The following STK32B variants were observed in gnomAD, a reference collection of about 807,000 sequenced individuals.
STK32B encodes serine/threonine-protein kinase 32B.
In STK32B, 43 loss-of-function variants were observed where a neutral mutation model predicts 52.6. That is an observed-to-expected ratio of 0.82 (90% CI 0.64 to 1.05). The LOEUF (loss-of-function observed/expected upper bound fraction) is 1.05. Ranked by LOEUF, STK32B falls within the 50% of genes least tolerant of loss-of-function variation. The pLI is 0.00. For synonymous variants in STK32B, 238 were observed against 204.3 expected (o/e 1.17, Z -1.41); for missense variants, 621 against 534.6 (o/e 1.16, Z -1.59).
chr4:5,298,452 A>T (rs1729349776), intron 3 of STK32B, among the ~76,000 whole-genome samples: 3 of 152,104 alleles, frequency 2.0e-5, no homozygotes, highest in South Asian at 4.1e-4. Flanking sequence ...CCCTGACTGG[A>T]GCTGCTACCT....
At chr4:5,482,387 G>T (rs1383181265) in intron 11 of STK32B, among the ~76,000 whole-genome samples, 1 of 152,092 alleles carries the variant, frequency 6.6e-6, no homozygotes, top group Non-Finnish European at 1.5e-5. Context: ...CTCTCTGTTT[G>T]TCTGTTATTG....
chr4:5,066,517 A>AT (rs1186912119), intron 1 of STK32B, among the ~76,000 whole-genome samples: 7 of 152,186 alleles, frequency 4.6e-5, no homozygotes, highest in Non-Finnish European at 1.0e-4. Flanking sequence ...GTCAAAGATT[A>AT]TAACCTGTAA....
Position 5,114,907 on chromosome 4 carries a change from G to T in STK32B, c.53-24998G>T, listed in dbSNP as rs544150420. 8.5e-5 allele frequency among the ~76,000 whole-genome samples: 13 copies of T among 152,188 alleles called. No individual in the cohort carries two copies. In the South Asian group the frequency reaches 2.7e-3, roughly 32 times the overall value. ...TGTTCCTCAGCACCCTGCACCCCAA[G>T]CCTCTTCCCACACCCTGACCCCATA... is the stretch of plus-strand genomic sequence containing the variant. On this transcript the variant is annotated intron_variant, in intron 1 of 11. Transcript: ENST00000282908.
chr4:5,443,887 GGGGGT>G (rs1268663978), intron 6 of STK32B, among the ~76,000 whole-genome samples: 5 of 152,188 alleles, frequency 3.3e-5, no homozygotes, highest in Non-Finnish European at 4.4e-5. Context: ...GCCCCTGCTG[GGGGGT>G]GCCTGCCAGT....
At chr4:5,031,952 A>T in the STK32B span, among the ~76,000 whole-genome samples, 1 of 152,216 alleles carries the variant, frequency 6.6e-6, no homozygotes, top group Non-Finnish European at 1.5e-5. Context: ...CAACTGGGAA[A>T]CAGATACCAC....
At chr4:5,297,439 T>C (rs1847278) in intron 3 of STK32B, among the ~76,000 whole-genome samples, 20,715 of 151,964 alleles carry the variant, frequency 0.14, 2,826 homozygotes, top group African/African-American at 0.35. Context: ...TTGGTCTTTT[T>C]ACATAGTCAC....
rs1338565159 is a variant in STK32B at position 5,500,362 on chromosome 4, C to T, written c.*1279C>T. 1.3e-5 allele frequency: 2 copies of T among 152,154 alleles called. No individual in the cohort carries two copies. The highest frequency in any genetic ancestry group is 3.9e-4 in the East Asian group (2 of 5,190). 9.4% of individuals were successfully genotyped at this position (152,154 alleles called of 1,614,324 possible). A position where few individuals can be genotyped will look rare whatever the true frequency, so the allele number is the denominator to read the frequency against. ...GTGTAACCCCAAGCATTGGATGACTCATAGAATGGCCTTTTTTGTCAGCAT... is the reference window on the plus strand; with the variant it reads ...GTGTAACCCCAAGCATTGGATGACTTATAGAATGGCCTTTTTTGTCAGCAT... On this transcript the variant is annotated 3_prime_UTR_variant, in exon 12 of 12. Coordinates refer to ENST00000282908, the MANE Select transcript of STK32B (RefSeq NM_018401.3).
At position 5,480,686 on chromosome 4, in the gene STK32B, C is replaced by T. The variant is rs571396502; in HGVS notation, c.1106+12616C>T. Among the ~76,000 whole-genome samples, 4 of 152,088 alleles carry T rather than the reference C, an allele frequency of 2.6e-5. No homozygotes were observed. In the East Asian group the frequency reaches 7.8e-4, roughly 29 times the overall value. On this transcript the variant is annotated intron_variant, in intron 11 of 11. Coordinates refer to ENST00000282908, the MANE Select transcript of STK32B (RefSeq NM_018401.3). ...CATGTTGGTGTGCTGCACCCATTAA[C>T]TCGTCATTTAACATTAGGTATATCT...
intron 3 of STK32B, among the ~76,000 whole-genome samples, chr4:5,175,250 T>G (rs886722949): frequency 6.6e-6 from 1 of 152,174 alleles, no homozygotes; most frequent in Non-Finnish European, 1.5e-5. Flanking sequence ...TGCTTCAAAC[T>G]TCCACCTTCA....
At chr4:5,354,618 G>A (rs1482787539) in intron 4 of STK32B, among the ~76,000 whole-genome samples, 1 of 152,172 alleles carries the variant, frequency 6.6e-6, no homozygotes, top group Non-Finnish European at 1.5e-5. Context: ...TGACTCGTTA[G>A]CAACATTATA....
At chr4:5,286,297 T>G (rs1388774849) in intron 3 of STK32B, among the ~76,000 whole-genome samples, 1 of 152,190 alleles carries the variant, frequency 6.6e-6, no homozygotes. Context: ...AAGTCATCTA[T>G]AAGATGTGGA....
the STK32B span, among the ~76,000 whole-genome samples, chr4:5,034,046 A>T: frequency 1.3e-5 from 2 of 152,140 alleles, no homozygotes; most frequent in African/African-American, 2.4e-5. Context: ...CACTTTACAA[A>T]AGAAGAAGGA....
chr4:5,266,680 C>T (rs1727077028), intron 3 of STK32B, among the ~76,000 whole-genome samples: 1 of 152,164 alleles, frequency 6.6e-6, no homozygotes, highest in Admixed American at 6.5e-5. Flanking sequence ...GCTTGGCTTG[C>T]TTAAAGGAGC....
Position 5,499,252 on chromosome 4 carries a change from G to C in STK32B, c.*169G>C. The C allele has an allele frequency of 1.1e-6, 1 of 908,260 alleles. No homozygotes were observed. The allele number at this position is 908,260 out of a possible 1,614,324, so 56.3% of individuals were successfully genotyped here. A position where few individuals can be genotyped will look rare whatever the true frequency, so the allele number is the denominator to read the frequency against. The stretch of plus-strand genomic sequence containing the variant: ...GGGTTCTGGTCCCATCTCCATGACT[G>C]ATTCACGTGTGACCTCAGACAAGTC... On this transcript the variant is annotated 3_prime_UTR_variant, in exon 12 of 12. Coordinates refer to ENST00000282908, the MANE Select transcript of STK32B (RefSeq NM_018401.3).
rs921699953 is a variant in STK32B at position 5,453,654 on chromosome 4, A to C, written c.667-3153A>C. On this transcript the variant is annotated intron_variant, in intron 7 of 11. Transcript: ENST00000282908. This position sits in a 1 kb window ranked among gnomAD's most constrained non-coding sequence, Gnocchi z 4.0. ...TGCAGTGGCTTACGTCTGTAATCCC[A>C]GCACTCTGGGAGGCTGAGACGGGCA... 6.6e-6 allele frequency among the ~76,000 whole-genome samples: 1 copy of C among 152,222 alleles called. No homozygotes were observed. The highest frequency in any genetic ancestry group is 1.5e-5 in the Non-Finnish European group (1 of 68,038).
At chr4:5,154,153 G>C (rs1717598358) in intron 2 of STK32B, among the ~76,000 whole-genome samples, 1 of 151,192 alleles carries the variant, frequency 6.6e-6, no homozygotes, top group Non-Finnish European at 1.5e-5. Context: ...AATAATAATG[G>C]AATTTGAGAG....
At chr4:5,113,706 C>G (rs1239210203) in intron 1 of STK32B, among the ~76,000 whole-genome samples, 1 of 152,180 alleles carries the variant, frequency 6.6e-6, no homozygotes, top group African/African-American at 2.4e-5. Flanking sequence ...TCCGCAGCCC[C>G]TCATGGTCTG....
chr4:5,496,819 A>C lies in STK32B; in HGVS notation c.1107-2126A>C, dbSNP rs187818317. Among the ~76,000 whole-genome samples the C allele has an allele frequency of 7.7e-4, 117 of 151,880 alleles. 1 individual carries two copies. In the East Asian group the frequency reaches 0.017, roughly 22 times the overall value. On this transcript the variant is annotated intron_variant, in intron 11 of 11. Coordinates refer to ENST00000282908, the MANE Select transcript of STK32B (RefSeq NM_018401.3). ...TTTCTTTGCTTTAAAAAAAAAAAAA[A>C]CAGCATGAAGATCAAAGTGATTTTA...
chr4:5,392,795 G>C (rs1231462570), intron 4 of STK32B, among the ~76,000 whole-genome samples: 1 of 152,134 alleles, frequency 6.6e-6, no homozygotes, highest in Non-Finnish European at 1.5e-5. Context: ...CACTGCACAT[G>C]GCTAAATCCA....
Sources: allele counts gnomAD v4.1 joint callset (sites outside exome capture counted in the v4.1 genomes callset), GRCh38; gene constraint gnomAD v4.1.1; non-coding constraint Gnocchi (gnomAD v3.1); transcripts MANE v1.5; gene names NCBI Gene and HGNC (gene_info 2026-07-23, HGNC 2026-07-21).